PPP6R2: variants seen among roughly 807,000 people sequenced by gnomAD.
PPP6R2 encodes protein phosphatase 6 regulatory subunit 2, also known as serine/threonine-protein phosphatase 6 regulatory subunit 2.
PPP6R2 carries 62 observed loss-of-function variants against 100.2 expected under a neutral mutation model. That is an observed-to-expected ratio of 0.62 (90% CI 0.50 to 0.76). PPP6R2 has a LOEUF of 0.76. PPP6R2 is among the 30% of genes least tolerant of loss of function. The pLI is 0.00. For synonymous variants in PPP6R2, 525 were observed against 514.7 expected (o/e 1.02, Z -0.27); for missense variants, 1,142 against 1,276.3 (o/e 0.89, Z 1.60).
intron 2 of PPP6R2, among the ~76,000 whole-genome samples, chr22:50,378,936 C>G (rs1480413771): frequency 6.6e-6 from 1 of 151,596 alleles, no homozygotes; most frequent in Non-Finnish European, 1.5e-5. Flanking sequence ...CGTGAGGGCT[C>G]CACTCTCATG....
chr22:50,436,358 C>T lies in PPP6R2; in HGVS notation c.1517-9C>T. ...TCCCAGGGCTCACCAGGCAGCACTTCCCTTGCAGGGCTCCCTGCGGACTGC... is the reference window on the plus strand; with the variant it reads ...TCCCAGGGCTCACCAGGCAGCACTTTCCTTGCAGGGCTCCCTGCGGACTGC... On this transcript the variant is annotated splice_polypyrimidine_tract_variant and intron_variant, in intron 13 of 23. Transcript: ENST00000612753. 1 of 1,565,882 alleles carries T rather than the reference C, an allele frequency of 6.4e-7. No individual in the cohort carries two copies. The highest frequency in any genetic ancestry group is 8.7e-7 in the Non-Finnish European group (1 of 1,155,604).
chr22:50,348,657 T>A (rs1241195967), intron 1 of PPP6R2, among the ~76,000 whole-genome samples: 1 of 151,922 alleles, frequency 6.6e-6, no homozygotes, highest in Non-Finnish European at 1.5e-5. Flanking sequence ...AGTCCGAGGG[T>A]CACTAGGGAG....
At chr22:50,341,863 G>A (rs941101811), upstream of PPP6R2, among the ~76,000 whole-genome samples, 6 of 152,134 alleles carry the variant, frequency 3.9e-5, no homozygotes, top group Admixed American at 3.3e-4. Context: ...CGCGGTGGCG[G>A]GCGCCTGTAG....
intron 1 of PPP6R2, among the ~76,000 whole-genome samples, chr22:50,353,586 A>C (rs1026769890): frequency 1.2e-4 from 18 of 152,204 alleles, no homozygotes; most frequent in African/African-American, 4.3e-4. Context: ...GACACGAAGT[A>C]AGCACATGCT....
upstream of PPP6R2, among the ~76,000 whole-genome samples, chr22:50,341,027 C>T (rs2042364454): frequency 6.6e-6 from 1 of 152,128 alleles, no homozygotes; most frequent in Non-Finnish European, 1.5e-5. Context: ...TCTCCTGCCT[C>T]AGCCTCCCGA....
Position 50,438,625 on chromosome 22 carries a change from G to A in PPP6R2, c.1991G>A (p.Ser664Asn), listed in dbSNP as rs1439723487. The A allele has an allele frequency of 1.2e-6, 2 of 1,614,080 alleles. No homozygotes were observed. Among genetic ancestry groups the A allele is most frequent in the Non-Finnish European group, 1.7e-6 (2 of 1,179,996 alleles). The change falls in exon 19 of 24, where the codon AGT (serine) becomes AAT (asparagine). Residue 664 changes from serine to asparagine, a missense_variant. Around this residue, in one of 2 missense-constraint regions of PPP6R2, gnomAD observed 550 missense variants for 517.4 expected, o/e 1.06. Coordinates refer to ENST00000612753, the MANE Select transcript of PPP6R2 (RefSeq NM_001242898.2). Reference sequence around the variant, plus strand: ...TTTGGAGCCCCCCATGCTTCAGAGAGTTGCTCAAAGAATGGCCCAGAGCGT... The same window carrying A: ...TTTGGAGCCCCCCATGCTTCAGAGAATTGCTCAAAGAATGGCCCAGAGCGT... ...PRFGAPHASE[S>N]CSKNGPERGG...
chr22:50,353,559 C>T (rs28416305), intron 1 of PPP6R2, among the ~76,000 whole-genome samples: 144 of 152,184 alleles, frequency 9.5e-4, no homozygotes, highest in African/African-American at 3.3e-3. Context: ...GTGAGAATTA[C>T]CAGAATGCAA....
upstream of PPP6R2, among the ~76,000 whole-genome samples, chr22:50,339,315 GGTGTAGT>G (rs2042341575): frequency 1.4e-5 from 1 of 72,440 alleles, no homozygotes; most frequent in African/African-American, 8.1e-5. Flanking sequence ...GTGTGTTGTG[GGTGTAGT>G]GTGTGTGGTG....
chr22:50,347,319 C>T (rs1240558594), intron 1 of PPP6R2, among the ~76,000 whole-genome samples: 2 of 152,100 alleles, frequency 1.3e-5, no homozygotes, highest in Non-Finnish European at 2.9e-5. Flanking sequence ...CTTTCAGTGC[C>T]CGCTGTCATC....
At chr22:50,332,685 G>A in the PPP6R2 span, among the ~76,000 whole-genome samples, 3 of 149,902 alleles carry the variant, frequency 2.0e-5, no homozygotes, top group East Asian at 1.9e-4. Context: ...GTGCAATGGC[G>A]TGATCTTGGC....
intron 22 of PPP6R2, among the ~76,000 whole-genome samples, chr22:50,442,919 C>G (rs2148472849): frequency 6.6e-6 from 1 of 150,978 alleles, no homozygotes; most frequent in South Asian, 2.1e-4. Flanking sequence ...AATCCCAGCA[C>G]TTTGGGAGGC....
intron 2 of PPP6R2, among the ~76,000 whole-genome samples, chr22:50,378,712 T>G (rs1035926867): frequency 1.5e-4 from 20 of 134,740 alleles, no homozygotes; most frequent in Non-Finnish European, 2.7e-4. Context: ...AAACCCCATC[T>G]CTACAAAAAA....
In PPP6R2 at chr22:50,348,713, C is replaced by T. The variant is rs533773765; in HGVS notation, c.-148+5163C>T. ...CTGGAACCCAGAGGAGAGGCCAAGCCGCAGGTATACAACTGTCATCATGGG... is the reference window on the plus strand; with the variant it reads ...CTGGAACCCAGAGGAGAGGCCAAGCTGCAGGTATACAACTGTCATCATGGG... On this transcript the variant is annotated intron_variant, in intron 1 of 23. Transcript: ENST00000612753. 1.3e-3 allele frequency among the ~76,000 whole-genome samples: 202 copies of T among 152,134 alleles called. 1 individual carries two copies. The highest frequency in any genetic ancestry group is 4.3e-3 in the African/African-American group (179 of 41,468).
At chr22:50,386,187 G>T (rs1198728101) in intron 2 of PPP6R2, among the ~76,000 whole-genome samples, 5 of 151,476 alleles carry the variant, frequency 3.3e-5, no homozygotes, top group Non-Finnish European at 5.9e-5. Flanking sequence ...CTGTCTCCCA[G>T]GCTGGAGTGC....
chr22:50,338,595 TGTG>T (rs2147822928), upstream of PPP6R2, among the ~76,000 whole-genome samples: 1 of 140,210 alleles, frequency 7.1e-6, no homozygotes, highest in East Asian at 2.2e-4. Context: ...GTTTGTGGTG[TGTG>T]GTGTGTGTGG....
At chr22:50,441,735 G>C (rs899544919) in intron 22 of PPP6R2, among the ~76,000 whole-genome samples, 4 of 152,068 alleles carry the variant, frequency 2.6e-5, no homozygotes, top group African/African-American at 9.7e-5. Flanking sequence ...GAGGCTGGCC[G>C]GCCCCTCCAG....
chr22:50,395,752 A>G (rs74712657), intron 3 of PPP6R2, among the ~76,000 whole-genome samples: 14,471 of 151,488 alleles, frequency 0.096, 858 homozygotes, highest in East Asian at 0.23. Flanking sequence ...TTTTTTGTAG[A>G]GACGGGGTTT....
At chr22:50,425,368 G>A (rs897078800) in intron 10 of PPP6R2, among the ~76,000 whole-genome samples, 2 of 152,194 alleles carry the variant, frequency 1.3e-5, no homozygotes, top group African/African-American at 2.4e-5. Flanking sequence ...CTGTGTGGGT[G>A]GGCCACATTC....
intron 4 of PPP6R2, among the ~76,000 whole-genome samples, chr22:50,413,897 G>A (rs1254431207): frequency 6.6e-6 from 1 of 152,122 alleles, no homozygotes; most frequent in East Asian, 1.9e-4. Flanking sequence ...AATTTGCAGC[G>A]AGCCCAGCCT....
Sources: allele counts gnomAD v4.1 joint callset (sites outside exome capture counted in the v4.1 genomes callset), GRCh38; gene constraint gnomAD v4.1.1; regional missense constraint gnomAD v4.1.1; transcripts MANE v1.5; gene names NCBI Gene and HGNC (gene_info 2026-07-23, HGNC 2026-07-21).